R3HCC1L: variants seen among roughly 807,000 people sequenced by gnomAD.
The protein encoded by R3HCC1L is coiled-coil domain-containing protein R3HCC1L.
Under a neutral mutation model 59.9 loss-of-function variants are expected in R3HCC1L, and 51 were observed. That is an observed-to-expected ratio of 0.85 (90% CI 0.68 to 1.07). The LOEUF is 1.07. Ranked by LOEUF, R3HCC1L falls within the 50% of genes least tolerant of loss-of-function variation. The probability of loss-of-function intolerance (pLI) is 0.00; values close to 1 mark genes in which losing one functional copy is unlikely to be tolerated. For missense variants in R3HCC1L, 965 were observed against 933.0 expected, an observed-to-expected ratio of 1.03 and a Z score of -0.45; for synonymous variants, 322 against 315.2, an observed-to-expected ratio of 1.02 and a Z score of -0.23.
intron 5 of R3HCC1L, among the ~76,000 whole-genome samples, chr10:98,219,735 T>A (rs190414161): frequency 1.3e-5 from 2 of 151,388 alleles, no homozygotes; most frequent in South Asian, 2.1e-4. Flanking sequence ...TGGGAACAAC[T>A]TTATTGTTGT....
At chr10:98,150,103 C>T (rs967338628) in intron 1 of R3HCC1L, among the ~76,000 whole-genome samples, 1 of 152,162 alleles carries the variant, frequency 6.6e-6, no homozygotes, top group Non-Finnish European at 1.5e-5. Context: ...ATGACTTTTT[C>T]AGTTCAGCAA....
chr10:98,222,862 C>T (rs1281936813), intron 5 of R3HCC1L, among the ~76,000 whole-genome samples: 7 of 152,070 alleles, frequency 4.6e-5, no homozygotes, highest in Admixed American at 3.3e-4. Flanking sequence ...GGGATATCAC[C>T]ACCGATCCCA....
At position 98,209,032 on chromosome 10, in the gene R3HCC1L, T is replaced by C; in HGVS notation, c.918T>C (p.Asp306=). ...TGFILDQKDT[D]SIPATMGHIS... is the part of the protein sequence containing the mutation. ...TCATCTTAGATCAAAAAGATACAGA[T>C]TCCATTCCTGCAACTATGGGTCACA... The change falls in exon 5 of 10, where the codon GAT becomes GAC. Residue 306 remains aspartate, a synonymous_variant. Transcript: ENST00000298999. 6.2e-7 allele frequency: 1 copy of C among 1,613,728 alleles called. No individual in the cohort carries two copies. The highest frequency in any genetic ancestry group is 8.5e-7 in the Non-Finnish European group (1 of 1,179,656).
intron 1 of R3HCC1L, among the ~76,000 whole-genome samples, chr10:98,148,672 G>A (rs558190173): frequency 1.9e-4 from 29 of 152,266 alleles, no homozygotes; most frequent in African/African-American, 6.7e-4. Flanking sequence ...TTCTGTTAAT[G>A]TAATGTGTCA....
intron 5 of R3HCC1L, chr10:98,231,026 C>T (rs1031704687): frequency 2.1e-5 from 9 of 423,512 alleles, no homozygotes; most frequent in Admixed American, 1.5e-4. Flanking sequence ...CCCTTTAATA[C>T]ATTCAACAAA....
At chr10:98,178,873 T>C (rs1227129705) in intron 4 of R3HCC1L, among the ~76,000 whole-genome samples, 4 of 152,224 alleles carry the variant, frequency 2.6e-5, no homozygotes, top group Admixed American at 2.6e-4. Flanking sequence ...TTGTCTGTTA[T>C]TGGTGTGTAG....
rs777425958 is a variant in R3HCC1L, at chr10:98,235,427, C to T, written c.2035C>T (p.Arg679Cys). The change falls in exon 8 of 10, where the codon CGT (arginine) becomes TGT (cysteine). Residue 679 changes from arginine (R) to cysteine (C), a missense_variant and splice_region_variant. Physicochemically the swap from Arg to Cys is radical, Grantham distance 180 (BLOSUM62 -3). Coordinates refer to ENST00000298999, the MANE Select transcript of R3HCC1L (RefSeq NM_001351015.2). The part of the protein sequence containing the change: ...LGVFSSPITA[R>C]DALGIKHTMV... ...CTTCCTTTTATTCCTCTTTGCAGCT[C>T]GTGATGCGTTGGGTATTAAACACAC... The T allele has an allele frequency of 3.7e-6, 6 of 1,612,794 alleles. No homozygotes were observed. Among genetic ancestry groups the T allele is most frequent in the South Asian group, 1.1e-5 (1 of 90,972 alleles).
intron 1 of R3HCC1L, among the ~76,000 whole-genome samples, chr10:98,140,307 A>G (rs1165651562): frequency 1.3e-5 from 2 of 152,208 alleles, no homozygotes; most frequent in African/African-American, 4.8e-5. Flanking sequence ...GCTTGTTTAT[A>G]AATATTAAAA....
chr10:98,180,788 C>G (rs949879168), intron 4 of R3HCC1L, among the ~76,000 whole-genome samples: 3 of 152,076 alleles, frequency 2.0e-5, no homozygotes, highest in Non-Finnish European at 4.4e-5. Context: ...TTGAATTGAT[C>G]CCTTTACCAT....
At chr10:98,144,412 C>T (rs1963749) in intron 1 of R3HCC1L, among the ~76,000 whole-genome samples, 102,987 of 151,774 alleles carry the variant, frequency 0.68, 35,097 homozygotes, top group African/African-American at 0.76. Flanking sequence ...GATGGGGTTT[C>T]ACCATGTTGG....
intron 4 of R3HCC1L, among the ~76,000 whole-genome samples, chr10:98,182,748 G>A (rs1442010589): frequency 6.6e-6 from 1 of 152,196 alleles, no homozygotes; most frequent in Non-Finnish European, 1.5e-5. Context: ...GGCAATGGTG[G>A]ACGCCCCTCC....
intron 5 of R3HCC1L, among the ~76,000 whole-genome samples, chr10:98,211,871 G>T (rs1853620183): frequency 6.6e-6 from 1 of 152,114 alleles, no homozygotes; most frequent in Non-Finnish European, 1.5e-5. Flanking sequence ...GGTCTTTCCA[G>T]TGTTTAGGTG....
Position 98,244,240 on chromosome 10 carries a change from T to G in R3HCC1L, c.*82T>G. On this transcript the variant is annotated 3_prime_UTR_variant, in exon 10 of 10. Transcript: ENST00000298999. Reference sequence around the variant, plus strand: ...AGATAAGATGATCCTTCCAGAGCTCTATGTACATGCAGATGTGCATGTTAA... The same window carrying G: ...AGATAAGATGATCCTTCCAGAGCTCGATGTACATGCAGATGTGCATGTTAA... 1 of 1,329,430 alleles carries G rather than the reference T, an allele frequency of 7.5e-7. No homozygotes were observed. Among genetic ancestry groups the G allele is most frequent in the Non-Finnish European group, 1.1e-6 (1 of 928,350 alleles). 82.4% of individuals were successfully genotyped at this position (1,329,430 alleles called of 1,614,324 possible).
At chr10:98,164,952 G>C (rs1431110692) in intron 4 of R3HCC1L, among the ~76,000 whole-genome samples, 4 of 152,206 alleles carry the variant, frequency 2.6e-5, no homozygotes, top group African/African-American at 9.6e-5. Context: ...AGGTGTTATT[G>C]ATTCTGTCAT....
At chr10:98,189,654 G>C (rs1323563836) in intron 4 of R3HCC1L, among the ~76,000 whole-genome samples, 3 of 152,070 alleles carry the variant, frequency 2.0e-5, no homozygotes, top group African/African-American at 4.8e-5. Context: ...GCAGATACAG[G>C]AATTATTTTG....
intron 5 of R3HCC1L, among the ~76,000 whole-genome samples, chr10:98,223,815 G>A (rs1855344426): frequency 6.6e-6 from 1 of 152,160 alleles, no homozygotes; most frequent in Admixed American, 6.5e-5. Flanking sequence ...ACCAAAGGTA[G>A]TGAGTCTGGA....
At chr10:98,135,063 G>A (rs879568036) in intron 1 of R3HCC1L, among the ~76,000 whole-genome samples, 1 of 152,196 alleles carries the variant, frequency 6.6e-6, no homozygotes, top group Non-Finnish European at 1.5e-5. Context: ...TCGGGGCTGC[G>A]GGGCCGTGGG....
Position 98,164,192 on chromosome 10 carries a change from A to G in R3HCC1L, c.-15+795A>G, listed in dbSNP as rs541298838. Among the ~76,000 whole-genome samples the G allele has an allele frequency of 2.0e-5, 3 of 152,210 alleles. No homozygotes were observed. In the South Asian group the frequency reaches 6.2e-4, roughly 31 times the overall value. On this transcript the variant is annotated intron_variant, in intron 4 of 9. Coordinates refer to ENST00000298999, the MANE Select transcript of R3HCC1L (RefSeq NM_001351015.2). ...ACATTGCAAAAATTGGATGGAAACT[A>G]TGACATGATAATGGTGATTTGCCGA...
chr10:98,207,796 A>G (rs1053948619), intron 4 of R3HCC1L, among the ~76,000 whole-genome samples: 3 of 152,134 alleles, frequency 2.0e-5, no homozygotes, highest in African/African-American at 7.2e-5. Flanking sequence ...CCTTAAGCTC[A>G]GCCTGGGCTT....
Sources: allele counts gnomAD v4.1 joint callset (sites outside exome capture counted in the v4.1 genomes callset), GRCh38; gene constraint gnomAD v4.1.1; transcripts MANE v1.5; gene names NCBI Gene and HGNC (gene_info 2026-07-23, HGNC 2026-07-21).